The following BCAR3 variants were observed in gnomAD, a reference collection of about 807,000 sequenced individuals.
BCAR3 encodes breast cancer anti-estrogen resistance protein 3.
A neutral mutation model predicts 80.1 loss-of-function variants in BCAR3; 37 were observed. That is an observed-to-expected ratio of 0.46 (90% confidence interval 0.36 to 0.61). The LOEUF (loss-of-function observed/expected upper bound fraction) is 0.61, where lower values mean the gene tolerates loss of function less well. Ranked by LOEUF, BCAR3 falls within the 20% of genes least tolerant of loss-of-function variation. The probability of loss-of-function intolerance (pLI) is 0.00; values close to 1 mark genes in which losing one functional copy is unlikely to be tolerated. For missense variants in BCAR3, 978 were observed against 1,068.2 expected (o/e 0.92, Z 1.18); for synonymous variants, 389 against 418.9 (o/e 0.93, Z 0.87).
intron 2 of BCAR3, among the ~76,000 whole-genome samples, chr1:93,764,174 C>G (rs1252327589): frequency 6.6e-6 from 1 of 152,042 alleles, no homozygotes; most frequent in Non-Finnish European, 1.5e-5. Context: ...AGCCCCTGCC[C>G]TCCTCCACCA....
intron 2 of BCAR3, among the ~76,000 whole-genome samples, chr1:93,746,178 C>T (rs1192819638): frequency 6.6e-6 from 1 of 152,220 alleles, no homozygotes; most frequent in Non-Finnish European, 1.5e-5. Context: ...GAGCATCTAA[C>T]TTGCCAAGTC....
chr1:93,649,104 G>A (rs1339728108), intron 2 of BCAR3, among the ~76,000 whole-genome samples: 1 of 152,222 alleles, frequency 6.6e-6, no homozygotes, highest in African/African-American at 2.4e-5. Flanking sequence ...AACAAGGAGA[G>A]CCAACTGCTG....
chr1:93,696,843 T>G (rs1171643566), intron 3 of BCAR3, among the ~76,000 whole-genome samples: 1 of 152,228 alleles, frequency 6.6e-6, no homozygotes, highest in African/African-American at 2.4e-5. Flanking sequence ...TGGCTCTGGG[T>G]TGGCACTTCT....
intron 5 of BCAR3, among the ~76,000 whole-genome samples, chr1:93,585,996 A>T (rs1673928164): frequency 6.6e-6 from 1 of 152,234 alleles, no homozygotes; most frequent in Non-Finnish European, 1.5e-5. Context: ...GCAATGTGAA[A>T]TAAGTGTATC....
intron 3 of BCAR3, among the ~76,000 whole-genome samples, chr1:93,697,420 T>C (rs1229745857): frequency 1.3e-5 from 2 of 152,132 alleles, no homozygotes; most frequent in African/African-American, 4.8e-5. Flanking sequence ...TAAGACAGCC[T>C]ACATGCCCTG....
chr1:93,636,807 T>C (rs1675794035), intron 3 of BCAR3, among the ~76,000 whole-genome samples: 1 of 152,088 alleles, frequency 6.6e-6, no homozygotes, highest in Non-Finnish European at 1.5e-5. Flanking sequence ...CCAAAAAGAA[T>C]TAGTCTTGGC....
At chr1:93,571,481 G>T in intron 9 of BCAR3, 189 bp downstream of exon 9, 1 of 627,258 alleles carries the variant, frequency 1.6e-6, no homozygotes, top group Non-Finnish European at 2.7e-6. Flanking sequence ...GTGGCAGAGT[G>T]AGATTCTGTC....
intron 2 of BCAR3, among the ~76,000 whole-genome samples, chr1:93,732,664 T>G (rs918443181): frequency 1.3e-5 from 2 of 152,014 alleles, no homozygotes; most frequent in African/African-American, 4.8e-5. Context: ...AAGGAAGATC[T>G]GATTTGAAAG....
chr1:93,574,169 G>C (rs572208678), intron 8 of BCAR3, among the ~76,000 whole-genome samples: 2 of 152,014 alleles, frequency 1.3e-5, no homozygotes, highest in Non-Finnish European at 2.9e-5. Context: ...TGGATACACC[G>C]ACTATGGGAA....
In BCAR3 at chr1:93,562,380, G is replaced by A. The variant is rs1480750965; in HGVS notation, c.2339C>T (p.Thr780Ile). Reference protein sequence around the residue: ...PDEEMNEICKTEFQMRLLWGS... With the variant: ...PDEEMNEICKIEFQMRLLWGS... ...CCATAGCAATCGCATTTGAAATTCA[G>A]TCTTGCAGATTTCATTCATTTCTTC... is the stretch of plus-strand genomic sequence containing the variant. The change falls in exon 12 of 12, where the codon ACT becomes ATT. Residue 780 changes from threonine to isoleucine, a missense_variant. Transcript: ENST00000260502. 2 of 1,613,972 alleles carry A rather than the reference G, an allele frequency of 1.2e-6. No homozygotes were observed. Among genetic ancestry groups the A allele is most frequent in the Non-Finnish European group, 1.7e-6 (2 of 1,179,962 alleles).
chr1:93,576,056 G>T lies in BCAR3; in HGVS notation c.1760C>A (p.Thr587Asn), dbSNP rs1239236197. 1.2e-6 allele frequency: 2 copies of T among 1,614,146 alleles called. No homozygotes were observed. The highest frequency in any genetic ancestry group is 3.3e-5 in the Admixed American group (2 of 60,026). Residue 587 changes from threonine (T) to asparagine (N), a missense_variant, in exon 8 of 12, where the codon ACC (threonine) becomes AAC (asparagine). Coordinates refer to ENST00000260502, the MANE Select transcript of BCAR3 (RefSeq NM_003567.4). ...GCGCAGCTGGTGTCCGTGAGGCAAG[G>T]TAATGAGTTCCAGGCCTGAGCTCAC... is the stretch of plus-strand genomic sequence containing the variant. ...MGVSSGLELI[T>N]LPHGHQLRLD...
At chr1:93,626,746 G>A (rs1288142809) in intron 3 of BCAR3, among the ~76,000 whole-genome samples, 1 of 152,086 alleles carries the variant, frequency 6.6e-6, no homozygotes, top group East Asian at 1.9e-4. Flanking sequence ...ATTAAATATG[G>A]GCCCTCGAGT....
intron 2 of BCAR3, among the ~76,000 whole-genome samples, chr1:93,741,092 C>T (rs1013812827): frequency 1.3e-5 from 2 of 152,140 alleles, no homozygotes; most frequent in African/African-American, 4.8e-5. Context: ...TAGGTGGCTT[C>T]AGGAAATATG....
intron 2 of BCAR3, among the ~76,000 whole-genome samples, chr1:93,836,698 A>G (rs1284008717): frequency 6.6e-6 from 1 of 152,158 alleles, no homozygotes; most frequent in East Asian, 1.9e-4. Flanking sequence ...CCTGAGCCCA[A>G]GCCTGCATGT....
chr1:93,712,961 CAA>C (rs1186023840), intron 2 of BCAR3, among the ~76,000 whole-genome samples: 2 of 152,180 alleles, frequency 1.3e-5, no homozygotes, highest in African/African-American at 4.8e-5. Flanking sequence ...GCATTTTCTT[CAA>C]AATTACCACC....
At chr1:93,803,318 C>T (rs939401532) in intron 2 of BCAR3, among the ~76,000 whole-genome samples, 3 of 152,112 alleles carry the variant, frequency 2.0e-5, no homozygotes, top group Admixed American at 6.5e-5. Flanking sequence ...TGAAAACACT[C>T]GGCTGATCAA....
At chr1:93,814,327 T>A (rs1039926936) in intron 2 of BCAR3, among the ~76,000 whole-genome samples, 7 of 152,242 alleles carry the variant, frequency 4.6e-5, no homozygotes, top group African/African-American at 1.7e-4. Context: ...ACTTCACTGG[T>A]TGTGTGACCT....
At chr1:93,738,702 T>C (rs1298890196) in intron 2 of BCAR3, among the ~76,000 whole-genome samples, 2 of 151,790 alleles carry the variant, frequency 1.3e-5, no homozygotes, top group Admixed American at 1.3e-4. Context: ...GGGAGAGCAC[T>C]GGTCGGGGAG....
intron 2 of BCAR3, among the ~76,000 whole-genome samples, chr1:93,821,983 C>T (rs1043563702): frequency 1.3e-5 from 2 of 152,056 alleles, no homozygotes; most frequent in South Asian, 2.1e-4. Flanking sequence ...CAAAGGAGCA[C>T]CTTCTAATTC....
Sources: gnomAD v4.1 joint callset for allele counts (sites outside exome capture counted in the v4.1 genomes callset) on GRCh38, gnomAD v4.1.1 for gene constraint, MANE v1.5 for transcripts, NCBI Gene and HGNC (gene_info 2026-07-23, HGNC 2026-07-21) for gene names.